Variants in MAP2K5 observed in about 807,000 individuals in gnomAD.
MAP2K5 encodes the protein dual specificity mitogen-activated protein kinase kinase 5.
Under a neutral mutation model 83.1 loss-of-function variants are expected in MAP2K5, and 49 were observed. The ratio of observed to expected loss-of-function variants is 0.59; its 90% confidence interval spans 0.47 to 0.75. The LOEUF is 0.75. Ranked by LOEUF, MAP2K5 falls within the 30% of genes least tolerant of loss-of-function variation. MAP2K5 has a pLI of 0.00. For synonymous variants in MAP2K5, 202 were observed against 191.8 expected, an observed-to-expected ratio of 1.05 and a Z score of -0.44; for missense variants, 457 against 557.5, an observed-to-expected ratio of 0.82 and a Z score of 1.82.
rs762248435 is a variant in MAP2K5, at chr15:67,806,826, T to C, written c.*76T>C. The C allele has an allele frequency of 1.9e-6, 3 of 1,598,026 alleles. No homozygotes were observed. The South Asian group carries it at 3.3e-5, about 18-fold the overall frequency. On this transcript the variant is annotated 3_prime_UTR_variant, in exon 22 of 22. Transcript: ENST00000178640. The stretch of plus-strand genomic sequence containing the variant: ...CCACCCGTCGCCCTTCTCCGTATGC[T>C]GCCTGCGCCAGAAGAGCTTTGCTGG...
chr15:67,652,518 C>T lies in MAP2K5; in HGVS notation c.737-6035C>T, dbSNP rs1402222745. Among the ~76,000 whole-genome samples, 2 of 152,114 alleles carry T rather than the reference C, an allele frequency of 1.3e-5. No homozygotes were observed. The highest frequency in any genetic ancestry group is 4.8e-5 in the African/African-American group (2 of 41,416). The stretch of plus-strand genomic sequence containing the variant: ...TGCAGGAACTTAGAGTGAGAGTTCA[C>T]TTAATTTTGTGAGAATGACACCAAG... On this transcript the variant is annotated intron_variant, in intron 11 of 21. Transcript: ENST00000178640. This position sits in a 1 kb window ranked among gnomAD's most constrained non-coding sequence, Gnocchi z 4.2.
At chr15:67,557,437 G>A (rs773956524) in intron 2 of MAP2K5, among the ~76,000 whole-genome samples, 1 of 152,194 alleles carries the variant, frequency 6.6e-6, no homozygotes, top group Non-Finnish European at 1.5e-5. Flanking sequence ...CAAACCGTGT[G>A]TCTGAGTTTG....
intron 8 of MAP2K5, among the ~76,000 whole-genome samples, chr15:67,613,874 A>G (rs948734545): frequency 7.9e-5 from 12 of 152,022 alleles, no homozygotes; most frequent in African/African-American, 2.9e-4. Context: ...TCAGAGGTGC[A>G]TTTACTCTTT....
At chr15:67,673,565 T>G (rs1335478367) in intron 13 of MAP2K5, among the ~76,000 whole-genome samples, 1 of 152,122 alleles carries the variant, frequency 6.6e-6, no homozygotes, top group Non-Finnish European at 1.5e-5. Context: ...AAATAGTATG[T>G]TAGTGTGTGT....
At position 67,587,022 on chromosome 15, in the gene MAP2K5, G is replaced by A. The variant is rs2589980; in HGVS notation, c.431+109G>A. The A allele has an allele frequency of 7.7e-5, 81 of 1,048,344 alleles. No individual in the cohort carries two copies. The African/African-American group carries it at 1.0e-3, about 13-fold the overall frequency. 64.9% of individuals were successfully genotyped at this position (1,048,344 alleles called of 1,614,324 possible). On this transcript the variant is annotated intron_variant, in intron 6 of 21. Coordinates refer to ENST00000178640, the MANE Select transcript of MAP2K5 (RefSeq NM_145160.3). This position sits in a 1 kb window ranked among gnomAD's most constrained non-coding sequence, Gnocchi z 4.8. ...TTGACCAGTTAGATAACCTAGCTAC[G>A]TATTGACCAAAGAGAAAGGACCTCA...
At chr15:67,692,776 A>G (rs1361510190) in intron 14 of MAP2K5, among the ~76,000 whole-genome samples, 2 of 152,164 alleles carry the variant, frequency 1.3e-5, no homozygotes, top group Admixed American at 6.5e-5. Context: ...CTGATATTGT[A>G]ATTACTACTT....
chr15:67,628,521 A>G (rs2086381147), intron 8 of MAP2K5: 1 of 766,688 alleles, frequency 1.3e-6, no homozygotes, highest in Non-Finnish European at 2.2e-6. Context: ...ACACTGAGGA[A>G]TATCACCTAA....
intron 21 of MAP2K5, among the ~76,000 whole-genome samples, chr15:67,795,207 A>G (rs983534519): frequency 1.3e-5 from 2 of 152,082 alleles, no homozygotes; most frequent in African/African-American, 4.8e-5. Context: ...CTGTTTACCA[A>G]TTTTGATCAT....
chr15:67,654,824 G>T (rs2087031191), intron 11 of MAP2K5, among the ~76,000 whole-genome samples: 1 of 152,104 alleles, frequency 6.6e-6, no homozygotes, highest in African/African-American at 2.4e-5. Context: ...ACTTTGGGAG[G>T]CCGAGGTGCG....
chr15:67,806,165 T>G (rs1207792345), intron 21 of MAP2K5, among the ~76,000 whole-genome samples: 1 of 152,240 alleles, frequency 6.6e-6, no homozygotes, highest in Non-Finnish European at 1.5e-5. Flanking sequence ...TGGTGACTTC[T>G]TTTTATAGGA....
intron 20 of MAP2K5, among the ~76,000 whole-genome samples, chr15:67,771,147 TTACACA>T (rs1356792368): frequency 2.8e-3 from 6 of 2,120 alleles, no homozygotes; most frequent in Non-Finnish European, 6.2e-3. Context: ...ACCATGTGTT[TTACACA>T]TGGTAATGTG....
At chr15:67,772,816 T>A in intron 21 of MAP2K5, 64 bp downstream of exon 21, 3 of 1,372,100 alleles carry the variant, frequency 2.2e-6, no homozygotes, top group Non-Finnish European at 3.0e-6. Context: ...ACATTCTGTT[T>A]AAAAGTCCAG....
intron 19 of MAP2K5, among the ~76,000 whole-genome samples, chr15:67,756,403 A>G (rs533061945): frequency 6.2e-4 from 95 of 152,274 alleles, no homozygotes; most frequent in Non-Finnish European, 1.1e-3. Context: ...CTGAGGTACA[A>G]TTAACAAATA....
chr15:67,663,643 C>G (rs1342196118), intron 12 of MAP2K5, among the ~76,000 whole-genome samples: 1 of 152,104 alleles, frequency 6.6e-6, no homozygotes, highest in African/African-American at 2.4e-5. Flanking sequence ...GAGGCCGAGG[C>G]AGGAGGATCC....
intron 17 of MAP2K5, among the ~76,000 whole-genome samples, chr15:67,739,126 A>T (rs2089411219): frequency 6.6e-6 from 1 of 151,836 alleles, no homozygotes; most frequent in South Asian, 2.1e-4. Context: ...CAAAAAATTT[A>T]AAAACCAGCT....
In MAP2K5 at chr15:67,760,014, AT is replaced by A. The variant is rs1403819104; in HGVS notation, c.1135-9586del. The stretch of plus-strand genomic sequence containing the variant: ...TATAGTTGAGATCCTGAAAACTGAT[AT>A]TCCTCTTTTATGTAAGGCAATCTTT... On this transcript the variant is annotated intron_variant, in intron 19 of 21. Transcript: ENST00000178640. The surrounding 1 kb of genome is among the most constrained non-coding windows in gnomAD (Gnocchi z 4.1). Among the ~76,000 whole-genome samples, 1 of 152,252 alleles carries A rather than the reference AT, an allele frequency of 6.6e-6. No homozygotes were observed. Among genetic ancestry groups the A allele is most frequent in the Non-Finnish European group, 1.5e-5 (1 of 68,036 alleles).
At chr15:67,667,618 C>G (rs1044930484) in intron 13 of MAP2K5, among the ~76,000 whole-genome samples, 1 of 151,762 alleles carries the variant, frequency 6.6e-6, no homozygotes, top group African/African-American at 2.4e-5. Context: ...GTCCTCTGAT[C>G]ATCATTTTCT....
At chr15:67,648,949 A>G (rs1714124109) in intron 11 of MAP2K5, among the ~76,000 whole-genome samples, 1 of 152,146 alleles carries the variant, frequency 6.6e-6, no homozygotes, top group African/African-American at 2.4e-5. Context: ...TTTATGTTTA[A>G]CTTTTTAATA....
At chr15:67,551,104 G>A (rs918964868) in intron 2 of MAP2K5, among the ~76,000 whole-genome samples, 2 of 152,130 alleles carry the variant, frequency 1.3e-5, no homozygotes, top group Non-Finnish European at 2.9e-5. Context: ...AAAAATTTCA[G>A]TTTTTCCACA....
Sources: gnomAD v4.1 joint callset for allele counts (sites outside exome capture counted in the v4.1 genomes callset) on GRCh38, gnomAD v4.1.1 for gene constraint, Gnocchi (gnomAD v3.1) non-coding constraint, MANE v1.5 for transcripts, NCBI Gene and HGNC (gene_info 2026-07-23, HGNC 2026-07-21) for gene names.